The following FAM135B variants were observed in gnomAD, a reference collection of about 807,000 sequenced individuals.
FAM135B encodes family with sequence similarity 135 member B, also known as protein FAM135B.
Under a neutral mutation model 127.7 loss-of-function variants are expected in FAM135B, and 43 were observed. The ratio of observed to expected loss-of-function variants is 0.34; its 90% confidence interval spans 0.26 to 0.43. The LOEUF is 0.43. FAM135B is among the 20% of genes least tolerant of loss of function. The probability of loss-of-function intolerance (pLI) is 1.00; values close to 1 mark genes in which losing one functional copy is unlikely to be tolerated. For synonymous variants in FAM135B, 670 were observed against 665.1 expected, an observed-to-expected ratio of 1.01 and a Z score of -0.11; for missense variants, 1,558 against 1,725.6, an observed-to-expected ratio of 0.90 and a Z score of 1.72.
chr8:138,375,592 C>T (rs896867546), intron 1 of FAM135B, among the ~76,000 whole-genome samples: 2 of 152,164 alleles, frequency 1.3e-5, no homozygotes, highest in African/African-American at 2.4e-5. Flanking sequence ...TTCCATAACA[C>T]GTAAAGTCGA....
intron 2 of FAM135B, among the ~76,000 whole-genome samples, chr8:138,346,109 C>T (rs189945558): frequency 6.6e-5 from 10 of 152,298 alleles, no homozygotes; most frequent in Non-Finnish European, 1.2e-4. Flanking sequence ...GAGATACCAT[C>T]TCACGCCAGT....
intron 1 of FAM135B, among the ~76,000 whole-genome samples, chr8:138,482,642 A>G (rs1814828390): frequency 6.6e-6 from 1 of 151,964 alleles, no homozygotes; most frequent in South Asian, 2.1e-4. Flanking sequence ...AATGTTTTTC[A>G]TATGTTAACT....
intron 3 of FAM135B, among the ~76,000 whole-genome samples, chr8:138,277,937 A>G (rs1177174653): frequency 6.6e-6 from 1 of 152,012 alleles, no homozygotes; most frequent in African/African-American, 2.4e-5. Flanking sequence ...AAGAATCCCC[A>G]ATATTATTCT....
Position 138,218,766 on chromosome 8 carries a change from CAGAGAGAG to C in FAM135B, c.670-21105_670-21098del, listed in dbSNP as rs34578685. On this transcript the variant is annotated intron_variant, in intron 7 of 19. Coordinates refer to ENST00000395297, the MANE Select transcript of FAM135B (RefSeq NM_015912.4). ...CCAAACTTACACGCACACACACACA[CAGAGAGAG>C]AGAGAGAGAGAGAGAGAGAGAGAGA... 1.5e-3 allele frequency among the ~76,000 whole-genome samples: 120 copies of C among 80,550 alleles called. 1 individual carries two copies. The highest frequency in any genetic ancestry group is 6.6e-3 in the Middle Eastern group (1 of 152). 52.8% of individuals were successfully genotyped at this position (80,550 alleles called of 152,430 possible).
rs1024019172 is a variant in FAM135B at position 138,131,904 on chromosome 8, T to C, written c.*689A>G. 6.5e-5 allele frequency: 10 copies of C among 152,696 alleles called. No homozygotes were observed. Among genetic ancestry groups the C allele is most frequent in the African/African-American group, 2.4e-4 (10 of 41,466 alleles). 9.5% of individuals were successfully genotyped at this position (152,696 alleles called of 1,614,324 possible). On this transcript the variant is annotated 3_prime_UTR_variant, in exon 20 of 20. Transcript: ENST00000395297. ...AAGTAGGTGGAGCAACTATTCATAG[T>C]TCAGTATGTCCCTAGAGTCATGTTT...
chr8:138,274,709 C>A (rs1256808245), intron 3 of FAM135B, among the ~76,000 whole-genome samples: 1 of 152,110 alleles, frequency 6.6e-6, no homozygotes, highest in East Asian at 1.9e-4. Flanking sequence ...AGACCTACCC[C>A]CAGCTGCACA....
At chr8:138,435,519 T>C (rs760689722) in intron 1 of FAM135B, among the ~76,000 whole-genome samples, 2 of 152,182 alleles carry the variant, frequency 1.3e-5, no homozygotes, top group Admixed American at 6.5e-5. Context: ...ATAAGACTAC[T>C]AGTGTATTGA....
chr8:138,437,365 T>A (rs1835510667), intron 1 of FAM135B: 1 of 152,124 alleles, frequency 6.6e-6, no homozygotes, highest in African/African-American at 2.4e-5. Flanking sequence ...AATTGGATCA[T>A]GGGGGCAGTT....
chr8:138,288,012 T>G (rs1432066284), intron 3 of FAM135B, among the ~76,000 whole-genome samples: 1 of 152,170 alleles, frequency 6.6e-6, no homozygotes. Flanking sequence ...TATAACCAAA[T>G]GAAGGAAGTA....
At chr8:138,264,971 G>A (rs1361234197) in intron 4 of FAM135B, among the ~76,000 whole-genome samples, 2 of 152,210 alleles carry the variant, frequency 1.3e-5, no homozygotes, top group Non-Finnish European at 2.9e-5. Context: ...GTACACTTCA[G>A]TGAGGCTGGG....
intron 1 of FAM135B, among the ~76,000 whole-genome samples, chr8:138,464,827 C>T (rs1029368121): frequency 1.3e-5 from 2 of 152,184 alleles, no homozygotes; most frequent in African/African-American, 4.8e-5. Flanking sequence ...CTGCCCCCTA[C>T]GCTGGCCCTG....
chr8:138,431,282 A>C (rs1216468060), intron 1 of FAM135B, among the ~76,000 whole-genome samples: 1 of 152,234 alleles, frequency 6.6e-6, no homozygotes, highest in African/African-American at 2.4e-5. Context: ...TGGGACTTGT[A>C]TTCCAGTGAC....
intron 1 of FAM135B, among the ~76,000 whole-genome samples, chr8:138,409,542 C>T (rs966687933): frequency 6.6e-6 from 1 of 152,134 alleles, no homozygotes; most frequent in African/African-American, 2.4e-5. Context: ...TGCCACAAAC[C>T]TTTAATTTGT....
At chr8:138,257,321 T>C (rs1007804983) in intron 4 of FAM135B, among the ~76,000 whole-genome samples, 1 of 152,224 alleles carries the variant, frequency 6.6e-6, no homozygotes, top group Admixed American at 6.5e-5. Context: ...CATTTTTGTC[T>C]TGAAATCCAT....
At chr8:138,304,432 C>T (rs1047665085) in intron 3 of FAM135B, among the ~76,000 whole-genome samples, 3 of 152,212 alleles carry the variant, frequency 2.0e-5, no homozygotes, top group Non-Finnish European at 2.9e-5. Flanking sequence ...GAAGGGGCTA[C>T]GTGCTGCATG....
chr8:138,452,326 G>C (rs2131590405), intron 1 of FAM135B, among the ~76,000 whole-genome samples: 1 of 151,892 alleles, frequency 6.6e-6, no homozygotes, highest in South Asian at 2.1e-4. Context: ...TCACCACGTT[G>C]GCCAGACTGG....
In FAM135B at chr8:138,141,363, G is replaced by C. The variant is rs776422315; in HGVS notation, c.3639-14C>G. The C allele has an allele frequency of 6.2e-7, 1 of 1,613,926 alleles. No homozygotes were observed. Among genetic ancestry groups the C allele is most frequent in the Non-Finnish European group, 8.5e-7 (1 of 1,179,886 alleles). Reference sequence around the variant, plus strand: ...TGGCCAATGAAGCTGTGGAGAAACAGAAGGGGTACCCATGAGTGTGACGGT... The same window carrying C: ...TGGCCAATGAAGCTGTGGAGAAACACAAGGGGTACCCATGAGTGTGACGGT... On this transcript the variant is annotated splice_polypyrimidine_tract_variant and intron_variant, in intron 16 of 19. Coordinates refer to ENST00000395297, the MANE Select transcript of FAM135B (RefSeq NM_015912.4). This position sits in a 1 kb window ranked among gnomAD's most constrained non-coding sequence, Gnocchi z 4.7.
At chr8:138,224,272 C>T (rs1239054738) in intron 7 of FAM135B, among the ~76,000 whole-genome samples, 1 of 152,150 alleles carries the variant, frequency 6.6e-6, no homozygotes, top group African/African-American at 2.4e-5. Flanking sequence ...GAATTGACAG[C>T]ACTCTGTAGT....
intron 7 of FAM135B, among the ~76,000 whole-genome samples, chr8:138,208,521 TC>T (rs1255304942): frequency 6.6e-6 from 1 of 152,234 alleles, no homozygotes; most frequent in Non-Finnish European, 1.5e-5. Context: ...CCCGTTTATT[TC>T]AAAATGATTG....
Sources: gnomAD v4.1 joint callset for allele counts (sites outside exome capture counted in the v4.1 genomes callset) on GRCh38, gnomAD v4.1.1 for gene constraint, Gnocchi (gnomAD v3.1) non-coding constraint, MANE v1.5 for transcripts, NCBI Gene and HGNC (gene_info 2026-07-23, HGNC 2026-07-21) for gene names.